Variants in KCNC2 observed in about 807,000 individuals in gnomAD.
KCNC2 encodes the protein potassium voltage-gated channel subfamily C member 2, also known as voltage-gated potassium channel KCNC2.
In KCNC2, 21 loss-of-function variants were observed where a neutral mutation model predicts 44.5. That is an observed-to-expected ratio of 0.47 (90% CI 0.33 to 0.68). The LOEUF (loss-of-function observed/expected upper bound fraction) is 0.68. Among genes scored for constraint, KCNC2 ranks in the 30% least tolerant of loss-of-function variants. KCNC2 has a pLI of 0.01. For missense variants in KCNC2, 589 were observed against 826.2 expected (o/e 0.71, Z 3.52); for synonymous variants, 391 against 339.1 (o/e 1.15, Z -1.68).
At chr12:75,124,226 T>G (rs560997845) in intron 2 of KCNC2, 2 of 152,202 alleles carry the variant, frequency 1.3e-5, no homozygotes, top group Non-Finnish European at 2.9e-5. Context: ...AGGGGATTTG[T>G]TCACCCCTAA....
chr12:75,042,242 A>G lies in KCNC2; in HGVS notation c.*863T>C. The stretch of plus-strand genomic sequence containing the variant: ...TTAAAGAGTCTAGAACCAAGCAGCA[A>G]TTTCTGGCTAAACAATGCAAGCCTG... On this transcript the variant is annotated 3_prime_UTR_variant, in exon 5 of 5. Transcript: ENST00000549446. 1.9e-6 allele frequency: 3 copies of G among 1,584,204 alleles called. No individual in the cohort carries two copies. Among genetic ancestry groups the G allele is most frequent in the South Asian group, 1.2e-5 (1 of 86,254 alleles).
intron 2 of KCNC2, among the ~76,000 whole-genome samples, chr12:75,166,102 C>T (rs1010940873): frequency 4.6e-5 from 7 of 151,142 alleles, no homozygotes; most frequent in East Asian, 3.9e-4. Flanking sequence ...CAAAAGACAG[C>T]TGTAGAGGCT....
At chr12:75,069,586 A>C (rs568476813) in intron 2 of KCNC2, among the ~76,000 whole-genome samples, 1 of 152,026 alleles carries the variant, frequency 6.6e-6, no homozygotes, top group Non-Finnish European at 1.5e-5. Flanking sequence ...GTTTATAGAG[A>C]TCTTACTCCA....
chr12:75,176,554 T>A (rs542381031), intron 2 of KCNC2, among the ~76,000 whole-genome samples: 9 of 152,124 alleles, frequency 5.9e-5, no homozygotes, highest in East Asian at 5.8e-4. Flanking sequence ...GTTCCTCAAA[T>A]GAACTAGACA....
At chr12:75,061,629 T>G (rs1237397352) in intron 2 of KCNC2, among the ~76,000 whole-genome samples, 1 of 149,980 alleles carries the variant, frequency 6.7e-6, no homozygotes, top group Non-Finnish European at 1.5e-5. Context: ...CAGAAATTAC[T>G]GCATCATGAG....
chr12:75,144,468 A>T lies in KCNC2; in HGVS notation c.687+62829T>A, dbSNP rs1274847036. Among the ~76,000 whole-genome samples the T allele has an allele frequency of 2.0e-5, 3 of 152,154 alleles. No individual in the cohort carries two copies. The East Asian group carries it at 5.8e-4, about 29-fold the overall frequency. ...AACTCCAAAGTATGCTTGTATAGGC[A>T]AGTGTAGTGGCATATGCTTGTAGTT... is the stretch of plus-strand genomic sequence containing the variant. On this transcript the variant is annotated intron_variant, in intron 2 of 4. Coordinates refer to ENST00000549446, the MANE Select transcript of KCNC2 (RefSeq NM_139137.4).
chr12:75,117,730 G>A (rs947378674), intron 2 of KCNC2, among the ~76,000 whole-genome samples: 2 of 151,852 alleles, frequency 1.3e-5, no homozygotes, highest in African/African-American at 4.8e-5. Context: ...ATATATAATA[G>A]CATATACACA....
At position 75,055,649 on chromosome 12, in the gene KCNC2, T is replaced by C. The variant is rs569579919; in HGVS notation, c.688-4332A>G. On this transcript the variant is annotated intron_variant, in intron 2 of 4. Transcript: ENST00000549446. ...AGAGTAAAAATACTCTGTTAAAATA[T>C]TGGCTTGTGAGTCTAATCAGTAGGC... Among the ~76,000 whole-genome samples the C allele has an allele frequency of 2.0e-5, 3 of 152,242 alleles. No individual in the cohort carries two copies. In the South Asian group the frequency reaches 6.2e-4, roughly 32 times the overall value.
intron 2 of KCNC2, among the ~76,000 whole-genome samples, chr12:75,061,727 C>A (rs1011086532): frequency 3.3e-5 from 5 of 152,068 alleles, no homozygotes; most frequent in African/African-American, 1.2e-4. Context: ...GTCAAATATT[C>A]CTGAATGCTA....
chr12:75,100,274 T>A lies in KCNC2; in HGVS notation c.688-48957A>T, dbSNP rs113813767. 1.0e-3 allele frequency among the ~76,000 whole-genome samples: 159 copies of A among 152,186 alleles called. 2 individuals carry two copies. The highest frequency in any genetic ancestry group is 3.6e-3 in the African/African-American group (148 of 41,540). The stretch of plus-strand genomic sequence containing the variant: ...CTCAGACTTTGCATCCATCCCTCAT[T>A]CTTCCCTTATTTATAGATTTTCTAA... On this transcript the variant is annotated intron_variant, in intron 2 of 4. Coordinates refer to ENST00000549446, the MANE Select transcript of KCNC2 (RefSeq NM_139137.4).
intron 2 of KCNC2, among the ~76,000 whole-genome samples, chr12:75,195,447 A>G (rs1341402380): frequency 6.6e-6 from 1 of 152,180 alleles, no homozygotes; most frequent in African/African-American, 2.4e-5. Context: ...ATACCCAAAT[A>G]GTAACCATTG....
intron 2 of KCNC2, among the ~76,000 whole-genome samples, chr12:75,151,187 G>A (rs1182516678): frequency 6.6e-6 from 1 of 151,848 alleles, no homozygotes; most frequent in African/African-American, 2.4e-5. Flanking sequence ...TTAAATATAG[G>A]AGAAACAAAC....
chr12:75,050,201 T>C (rs1218780195), intron 3 of KCNC2, among the ~76,000 whole-genome samples, 189 bp downstream of exon 3: 1 of 151,728 alleles, frequency 6.6e-6, no homozygotes, highest in Non-Finnish European at 1.5e-5. Flanking sequence ...TGCCATCTCC[T>C]ACTTGGGGTT....
intron 2 of KCNC2, among the ~76,000 whole-genome samples, chr12:75,072,633 A>G (rs1883531956): frequency 1.3e-5 from 2 of 152,106 alleles, no homozygotes; most frequent in African/African-American, 4.8e-5. Flanking sequence ...AGTAAGTCCC[A>G]TATAAAAAAA....
intron 2 of KCNC2, among the ~76,000 whole-genome samples, chr12:75,071,728 G>A (rs4882673): frequency 0.16 from 23,858 of 151,918 alleles, 2,305 homozygotes; most frequent in Admixed American, 0.26. Flanking sequence ...AAGGCGGGCG[G>A]ATCACGAGGT....
intron 2 of KCNC2, among the ~76,000 whole-genome samples, chr12:75,076,810 A>G (rs923163103): frequency 2.6e-5 from 4 of 152,206 alleles, no homozygotes; most frequent in African/African-American, 9.7e-5. Flanking sequence ...AAATATATCT[A>G]TCTCTATCTA....
chr12:75,044,533 A>G (rs191952921), intron 4 of KCNC2: 2 of 152,120 alleles, frequency 1.3e-5, no homozygotes, highest in East Asian at 3.9e-4. Context: ...AGCCATGGAT[A>G]GCTTTCCTCT....
chr12:75,096,921 A>G lies in KCNC2; in HGVS notation c.688-45604T>C, dbSNP rs183458076. Among the ~76,000 whole-genome samples the G allele has an allele frequency of 1.6e-3, 246 of 152,226 alleles. 1 individual carries two copies. Among genetic ancestry groups the G allele is most frequent in the Non-Finnish European group, 2.7e-3 (185 of 67,996 alleles). On this transcript the variant is annotated intron_variant, in intron 2 of 4. Transcript: ENST00000549446. ...ATAGAAACACAATTTTTAAAAAGGA[A>G]TGAGATATATCCACACAAAACTTTC...
At chr12:75,106,674 T>C (rs546372231) in intron 2 of KCNC2, among the ~76,000 whole-genome samples, 3 of 152,042 alleles carry the variant, frequency 2.0e-5, no homozygotes, top group South Asian at 2.1e-4. Context: ...AGAAGGTAAA[T>C]AAAAAACACC....
Sources: gnomAD v4.1 joint callset for allele counts (sites outside exome capture counted in the v4.1 genomes callset) on GRCh38, gnomAD v4.1.1 for gene constraint, MANE v1.5 for transcripts, NCBI Gene and HGNC (gene_info 2026-07-23, HGNC 2026-07-21) for gene names.